SOX5: variants seen among roughly 807,000 people sequenced by gnomAD.
SOX5 encodes the protein SRY-box transcription factor 5.
A neutral mutation model predicts 92.0 loss-of-function variants in SOX5; 9 were observed. That is an observed-to-expected ratio of 0.10 (90% CI 0.06 to 0.17). SOX5 has a LOEUF of 0.17. Ranked by LOEUF, SOX5 falls within the 10% of genes least tolerant of loss-of-function variation. The pLI, the probability that SOX5 is intolerant of heterozygous loss-of-function variation, is 1.00. For missense variants in SOX5, 642 were observed against 944.5 expected (o/e 0.68, Z 4.20); for synonymous variants, 344 against 336.3 (o/e 1.02, Z -0.25).
At chr12:24,451,213 G>A (rs1421848926) in intron 1 of SOX5, among the ~76,000 whole-genome samples, 1 of 152,140 alleles carries the variant, frequency 6.6e-6, no homozygotes. Flanking sequence ...CATTTAGGTT[G>A]TTTCCAAATG....
chr12:23,659,241 A>T (rs1025692764), intron 7 of SOX5, among the ~76,000 whole-genome samples: 1 of 152,216 alleles, frequency 6.6e-6, no homozygotes, highest in East Asian at 1.9e-4. Context: ...AACATGTGAC[A>T]TTAACTAAAA....
chr12:24,053,838 G>A (rs1286711844), intron 4 of SOX5, among the ~76,000 whole-genome samples: 1 of 152,078 alleles, frequency 6.6e-6, no homozygotes, highest in African/African-American at 2.4e-5. Flanking sequence ...GGTACTTTAT[G>A]TATCTTATCT....
intron 1 of SOX5, among the ~76,000 whole-genome samples, chr12:24,488,387 A>C (rs911451854): frequency 6.6e-6 from 1 of 152,138 alleles, no homozygotes; most frequent in African/African-American, 2.4e-5. Flanking sequence ...CCGGGATTCA[A>C]GATCAGCCTG....
At chr12:24,312,553 A>G (rs766524461) in intron 2 of SOX5, among the ~76,000 whole-genome samples, 6 of 152,222 alleles carry the variant, frequency 3.9e-5, no homozygotes, top group Non-Finnish European at 8.8e-5. Flanking sequence ...TCACGTTTAC[A>G]GCCCCAATTC....
intron 6 of SOX5, among the ~76,000 whole-genome samples, chr12:23,693,136 T>C (rs988819201): frequency 6.6e-6 from 1 of 152,112 alleles, no homozygotes; most frequent in Non-Finnish European, 1.5e-5. Context: ...GTTGTTGTTG[T>C]TGTTGAGACA....
At chr12:23,925,780 GAAAC>G (rs974306465) in intron 1 of SOX5, among the ~76,000 whole-genome samples, 31 of 152,024 alleles carry the variant, frequency 2.0e-4, no homozygotes, top group Non-Finnish European at 4.0e-4. Context: ...ACTGATCTTA[GAAAC>G]AAACTAACAA....
At chr12:24,411,806 C>G (rs1232359142) in intron 1 of SOX5, among the ~76,000 whole-genome samples, 1 of 152,026 alleles carries the variant, frequency 6.6e-6, no homozygotes, top group Non-Finnish European at 1.5e-5. Context: ...CTGGGTAATA[C>G]TACTTTCATA....
At chr12:23,890,539 GAAAACGGGCACCAAAACGGTCACC>G (rs1175128529) in intron 2 of SOX5, among the ~76,000 whole-genome samples, 1 of 152,058 alleles carries the variant, frequency 6.6e-6, no homozygotes, top group African/African-American at 2.4e-5. Context: ...CAACCAGACA[GAAAACGGGCACCAAAACGGTCACC>G]AAAACGGTCA....
intron 3 of SOX5, among the ~76,000 whole-genome samples, chr12:24,246,932 CA>C (rs899834770): frequency 1.1e-4 from 16 of 151,832 alleles, no homozygotes; most frequent in African/African-American, 3.9e-4. Flanking sequence ...CCTAAGAGAA[CA>C]AAAAATGCAA....
At chr12:24,248,530 G>A (rs921107395) in intron 3 of SOX5, among the ~76,000 whole-genome samples, 6 of 152,102 alleles carry the variant, frequency 3.9e-5, no homozygotes, top group African/African-American at 4.8e-5. Flanking sequence ...GATTACAGGC[G>A]AGTGCTACCA....
chr12:24,110,084 T>C (rs1212702849), intron 4 of SOX5, among the ~76,000 whole-genome samples: 2 of 152,228 alleles, frequency 1.3e-5, no homozygotes, highest in African/African-American at 2.4e-5. Flanking sequence ...AGTCCTTTAC[T>C]GCATCCCTTT....
chr12:23,864,563 C>G (rs539821772), intron 2 of SOX5, among the ~76,000 whole-genome samples: 1 of 152,206 alleles, frequency 6.6e-6, no homozygotes, highest in Non-Finnish European at 1.5e-5. Context: ...ACCAAAACAG[C>G]CTTATCCTTA....
chr12:23,706,661 A>G (rs1160234142), intron 6 of SOX5, among the ~76,000 whole-genome samples: 1 of 152,080 alleles, frequency 6.6e-6, no homozygotes, highest in Non-Finnish European at 1.5e-5. Context: ...ATTTTAAGTT[A>G]AAACACATAA....
In SOX5 at chr12:24,394,411, G is replaced by A. The variant is rs551502873; in HGVS notation, c.-250-25772C>T. Among the ~76,000 whole-genome samples the A allele has an allele frequency of 3.0e-3, 460 of 152,190 alleles. 1 individual carries two copies. The highest frequency in any genetic ancestry group is 3.8e-3 in the Non-Finnish European group (256 of 68,020). ...TCCCAAGACTGATCTGCAGGAGCCCGGCCGCCACTGATGTTGCTATTCTTA... is the reference window on the plus strand; with the variant it reads ...TCCCAAGACTGATCTGCAGGAGCCCAGCCGCCACTGATGTTGCTATTCTTA... On this transcript the variant is annotated intron_variant, in intron 1 of 4. Transcript: ENST00000446891.
chr12:23,987,166 C>T (rs1391781), intron 4 of SOX5, among the ~76,000 whole-genome samples: 56,480 of 151,946 alleles, frequency 0.37, 10,999 homozygotes, highest in East Asian at 0.56. Context: ...GACAAAACTA[C>T]ATAAATAAGC....
intron 4 of SOX5, among the ~76,000 whole-genome samples, chr12:24,189,980 A>G (rs957553480): frequency 6.6e-6 from 1 of 152,192 alleles, no homozygotes; most frequent in Non-Finnish European, 1.5e-5. Context: ...TGTTAATTCA[A>G]AGGAGGAAAT....
At chr12:24,340,929 A>C (rs1371275012) in intron 2 of SOX5, among the ~76,000 whole-genome samples, 1 of 152,220 alleles carries the variant, frequency 6.6e-6, no homozygotes, top group Non-Finnish European at 1.5e-5. Context: ...AGGACTCAAC[A>C]AGCCCACTGA....
At chr12:24,039,774 GTA>G (rs1956354051) in intron 4 of SOX5, among the ~76,000 whole-genome samples, 1 of 152,066 alleles carries the variant, frequency 6.6e-6, no homozygotes, top group Non-Finnish European at 1.5e-5. Flanking sequence ...AGTACCAGGA[GTA>G]TAGTTTAAAA....
rs542510859 is a variant in SOX5, at chr12:23,801,599, T to C, written c.481+44384A>G. Among the ~76,000 whole-genome samples, 42 of 152,286 alleles carry C rather than the reference T, an allele frequency of 2.8e-4. No individual in the cohort carries two copies. The South Asian group carries it at 8.5e-3, about 31-fold the overall frequency. ...TATTAGGATATTAGATTTCCCACCT[T>C]TTATATATAAAAATGTTCTTTTTAG... is the stretch of plus-strand genomic sequence containing the variant. On this transcript the variant is annotated intron_variant, in intron 3 of 14. Coordinates refer to ENST00000451604, the MANE Select transcript of SOX5 (RefSeq NM_006940.6).
Sources: gnomAD v4.1 joint callset for allele counts (sites outside exome capture counted in the v4.1 genomes callset) on GRCh38, gnomAD v4.1.1 for gene constraint, MANE v1.5 for transcripts, NCBI Gene and HGNC (gene_info 2026-07-23, HGNC 2026-07-21) for gene names.